GLIS1: variants seen among roughly 807,000 people sequenced by gnomAD.
GLIS1 encodes zinc finger protein GLIS1.
In GLIS1, 24 loss-of-function variants were observed where a neutral mutation model predicts 63.8. That is an observed-to-expected ratio of 0.38 (90% CI 0.27 to 0.53). The LOEUF is 0.53. GLIS1 is among the 20% of genes least tolerant of loss of function. The pLI, the probability that GLIS1 is intolerant of heterozygous loss-of-function variation, is 0.85. For synonymous variants in GLIS1, 450 were observed against 482.5 expected (o/e 0.93, Z 0.88); for missense variants, 1,036 against 1,074.1 (o/e 0.96, Z 0.50).
At chr1:53,520,874 C>A in intron 6 of GLIS1, 108 bp from the exon 7 acceptor site, 1 of 1,249,600 alleles carries the variant, frequency 8.0e-7, no homozygotes, top group Non-Finnish European at 1.1e-6. Flanking sequence ...AGGGCAAGAC[C>A]CTTCCCTTCA....
chr1:53,623,765 G>C (rs1645568821), intron 2 of GLIS1, among the ~76,000 whole-genome samples: 1 of 152,140 alleles, frequency 6.6e-6, no homozygotes, highest in Non-Finnish European at 1.5e-5. Flanking sequence ...AGGAAGATGG[G>C]ATTTGAAAGC....
At chr1:53,625,799 T>G (rs906289075) in intron 2 of GLIS1, among the ~76,000 whole-genome samples, 6 of 152,152 alleles carry the variant, frequency 3.9e-5, no homozygotes, top group Non-Finnish European at 7.3e-5. Context: ...TTCAGGTCAA[T>G]CCATCCGTCT....
chr1:53,677,703 G>A (rs1227968589), intron 2 of GLIS1, among the ~76,000 whole-genome samples: 2 of 152,266 alleles, frequency 1.3e-5, no homozygotes, highest in African/African-American at 4.8e-5. Flanking sequence ...CCCGCGAGGA[G>A]CACCTTCACT....
At chr1:53,607,261 G>A (rs1431514387) in intron 2 of GLIS1, among the ~76,000 whole-genome samples, 1 of 152,206 alleles carries the variant, frequency 6.6e-6, no homozygotes, top group Non-Finnish European at 1.5e-5. Context: ...GGAAATACAT[G>A]TATTTTCTTT....
chr1:53,608,772 C>G (rs564202784), intron 2 of GLIS1, among the ~76,000 whole-genome samples: 2 of 152,290 alleles, frequency 1.3e-5, no homozygotes, highest in East Asian at 1.9e-4. Flanking sequence ...TGTGGAAGGC[C>G]TGAACCAATC....
intron 2 of GLIS1, among the ~76,000 whole-genome samples, chr1:53,634,101 C>T (rs1645698932): frequency 6.6e-6 from 1 of 152,148 alleles, no homozygotes; most frequent in Non-Finnish European, 1.5e-5. Flanking sequence ...ATGGAGTTGC[C>T]GTTTCCTGGG....
At chr1:53,625,672 C>G (rs1645587166) in intron 2 of GLIS1, among the ~76,000 whole-genome samples, 1 of 152,174 alleles carries the variant, frequency 6.6e-6, no homozygotes, top group East Asian at 1.9e-4. Context: ...CTGGAGCCAG[C>G]CCTGATGCTT....
At chr1:53,519,539 G>A (rs539304305) in intron 7 of GLIS1, among the ~76,000 whole-genome samples, 23 of 152,344 alleles carry the variant, frequency 1.5e-4, no homozygotes. Context: ...GGGAGTCGGG[G>A]GTAGAGCGCA....
intron 2 of GLIS1, among the ~76,000 whole-genome samples, chr1:53,651,522 G>A (rs1413023203): frequency 1.3e-5 from 2 of 152,138 alleles, no homozygotes; most frequent in African/African-American, 2.4e-5. Flanking sequence ...GTCTGGGGGG[G>A]CGACTGCCTC....
intron 4 of GLIS1, among the ~76,000 whole-genome samples, chr1:53,561,441 CA>C: frequency 6.6e-6 from 1 of 152,332 alleles, no homozygotes; most frequent in East Asian, 1.9e-4. Context: ...AAAGTGTGGG[CA>C]ATCTTTTTTC....
At chr1:53,712,045 C>A (rs1335595794) in intron 2 of GLIS1, among the ~76,000 whole-genome samples, 1 of 152,192 alleles carries the variant, frequency 6.6e-6, no homozygotes, top group Non-Finnish European at 1.5e-5. Context: ...CAATTTAAGT[C>A]CAATCTTCTT....
At chr1:53,584,265 GA>G (rs2100503495) in intron 4 of GLIS1, among the ~76,000 whole-genome samples, 1 of 152,314 alleles carries the variant, frequency 6.6e-6, no homozygotes, top group African/African-American at 2.4e-5. Flanking sequence ...GAGGCCCTTT[GA>G]GGCTCAATTC....
intron 2 of GLIS1, among the ~76,000 whole-genome samples, chr1:53,698,593 C>T (rs1437889035): frequency 6.6e-6 from 1 of 152,254 alleles, no homozygotes; most frequent in Non-Finnish European, 1.5e-5. Flanking sequence ...GCACAGAACA[C>T]CAGCCCTTGG....
intron 2 of GLIS1, among the ~76,000 whole-genome samples, chr1:53,643,547 G>A (rs1042927285): frequency 1.8e-4 from 27 of 152,180 alleles, no homozygotes; most frequent in African/African-American, 6.3e-4. Flanking sequence ...TGGGGAGGGA[G>A]CAAGGAGGCA....
chr1:53,580,380 TG>T (rs1645073426), intron 4 of GLIS1, among the ~76,000 whole-genome samples: 1 of 152,146 alleles, frequency 6.6e-6, no homozygotes, highest in African/African-American at 2.4e-5. Context: ...GAGGACACCT[TG>T]AGCTCCTAGT....
At chr1:53,673,176 T>C (rs191124115) in intron 2 of GLIS1, among the ~76,000 whole-genome samples, 1 of 152,210 alleles carries the variant, frequency 6.6e-6, no homozygotes, top group Non-Finnish European at 1.5e-5. Flanking sequence ...GGCTCATAAG[T>C]GTTATGTCTT....
At chr1:53,552,314 G>A (rs1211104121) in intron 4 of GLIS1, among the ~76,000 whole-genome samples, 1 of 151,934 alleles carries the variant, frequency 6.6e-6, no homozygotes, top group Admixed American at 6.6e-5. Context: ...CCCTCACAAG[G>A]CCCCCCGCTG....
intron 9 of GLIS1, 55 bp downstream of exon 9, chr1:53,509,794 G>C: frequency 9.2e-7 from 1 of 1,081,708 alleles, no homozygotes; most frequent in Non-Finnish European, 1.2e-6. Flanking sequence ...TTCCTCTGGG[G>C]TCCCTAAGTG....
chr1:53,581,193 CA>C (rs1353585102), intron 4 of GLIS1, among the ~76,000 whole-genome samples: 1 of 152,180 alleles, frequency 6.6e-6, no homozygotes, highest in African/African-American at 2.4e-5. Flanking sequence ...AAATAGGGGT[CA>C]GGGGTAAGTG....
Sources: gnomAD v4.1 joint callset for allele counts (sites outside exome capture counted in the v4.1 genomes callset) on GRCh38, gnomAD v4.1.1 for gene constraint, MANE v1.5 for transcripts, NCBI Gene and HGNC (gene_info 2026-07-23, HGNC 2026-07-21) for gene names.